The following ADAMTSL1 variants were observed in gnomAD, a reference collection of about 807,000 sequenced individuals.
The protein encoded by ADAMTSL1 is ADAMTS-like protein 1.
A neutral mutation model predicts 201.8 loss-of-function variants in ADAMTSL1; 126 were observed. That is an observed-to-expected ratio of 0.62 (90% confidence interval 0.54 to 0.72). The LOEUF (loss-of-function observed/expected upper bound fraction) is 0.72, where lower values mean the gene tolerates loss of function less well. Ranked by LOEUF, ADAMTSL1 falls within the 30% of genes least tolerant of loss-of-function variation. The pLI, the probability that ADAMTSL1 is intolerant of heterozygous loss-of-function variation, is 0.00. For synonymous variants in ADAMTSL1, 1,121 were observed against 903.4 expected, an observed-to-expected ratio of 1.24 and a Z score of -4.32; for missense variants, 2,679 against 2,277.8, an observed-to-expected ratio of 1.18 and a Z score of -3.59.
At chr9:18,512,036 G>A (rs553050555) in intron 2 of ADAMTSL1, among the ~76,000 whole-genome samples, 1 of 152,284 alleles carries the variant, frequency 6.6e-6, no homozygotes, top group South Asian at 2.1e-4. Context: ...TTGTTTAAAA[G>A]AAAGATATAC....
intron 1 of ADAMTSL1, among the ~76,000 whole-genome samples, chr9:18,025,035 T>C (rs1259205327): frequency 2.6e-5 from 4 of 152,176 alleles, no homozygotes; most frequent in Non-Finnish European, 2.9e-5. Flanking sequence ...GGAGCATTTT[T>C]TCATATTTTT....
chr9:18,554,168 T>C (rs184263974), intron 3 of ADAMTSL1, among the ~76,000 whole-genome samples: 1 of 151,636 alleles, frequency 6.6e-6, no homozygotes, highest in Non-Finnish European at 1.5e-5. Flanking sequence ...AGTTCTGTTT[T>C]TTTTTTAAAT....
At chr9:18,736,081 CA>C (rs1399963133) in intron 15 of ADAMTSL1, among the ~76,000 whole-genome samples, 1 of 152,006 alleles carries the variant, frequency 6.6e-6, no homozygotes, top group Non-Finnish European at 1.5e-5. Flanking sequence ...CTGATATAAA[CA>C]AGACATTTAT....
intron 2 of ADAMTSL1, among the ~76,000 whole-genome samples, chr9:18,177,269 GA>G (rs1828209985): frequency 6.6e-6 from 1 of 152,132 alleles, no homozygotes; most frequent in Non-Finnish European, 1.5e-5. Context: ...GTAAGTTGTT[GA>G]AAACTATGGT....
At chr9:18,312,694 G>C (rs1834203153) in intron 2 of ADAMTSL1, among the ~76,000 whole-genome samples, 1 of 152,180 alleles carries the variant, frequency 6.6e-6, no homozygotes, top group Admixed American at 6.5e-5. Flanking sequence ...TTTAAAAACA[G>C]AAATCAAACC....
At chr9:18,628,133 G>A (rs905391165) in intron 5 of ADAMTSL1, among the ~76,000 whole-genome samples, 5 of 151,734 alleles carry the variant, frequency 3.3e-5, no homozygotes, top group East Asian at 1.9e-4. Flanking sequence ...TTTCTTTTAC[G>A]GCTCATGCTT....
rs1453866435 is a variant in ADAMTSL1, at chr9:18,661,957, G to C, written c.969G>C (p.Glu323Asp). Residue 323 changes from glutamate to aspartate, a missense_variant, in exon 9 of 29, where the codon GAG (glutamate) becomes GAC (aspartate). Glu to Asp is a conservative substitution (Grantham distance 45, BLOSUM62 2). Coordinates refer to ENST00000380548, the MANE Select transcript of ADAMTSL1 (RefSeq NM_001040272.6). ...CAGGTTATCAGCTGACATCGGCTGA[G>C]TGCTACGATCTGAGGAGCAACCGTG... ...CGGGYQLTSAECYDLRSNRVV... is the reference protein window; with the variant it reads ...CGGGYQLTSADCYDLRSNRVV... 6.2e-7 allele frequency: 1 copy of C among 1,613,658 alleles called. No individual in the cohort carries two copies. The highest frequency in any genetic ancestry group is 1.3e-5 in the African/African-American group (1 of 74,880).
intron 1 of ADAMTSL1, among the ~76,000 whole-genome samples, chr9:17,943,004 C>T (rs1827303709): frequency 6.6e-6 from 1 of 152,134 alleles, no homozygotes; most frequent in African/African-American, 2.4e-5. Flanking sequence ...TTACTGCAGC[C>T]TCAATCTCCT....
intron 2 of ADAMTSL1, among the ~76,000 whole-genome samples, chr9:18,206,053 CAAAAAAAAAAAAAAA>C (rs71333031): frequency 3.7e-5 from 2 of 54,352 alleles, no homozygotes; most frequent in East Asian, 7.1e-4. Flanking sequence ...GACTCCATCT[CAAAAAAAAAAAAAAA>C]AAAAAAAAAA....
intron 1 of ADAMTSL1, among the ~76,000 whole-genome samples, chr9:17,977,719 C>T: frequency 6.6e-6 from 1 of 152,014 alleles, no homozygotes; most frequent in East Asian, 1.9e-4. Context: ...GTCTAACATA[C>T]AATCTATTCT....
intron 8 of ADAMTSL1, among the ~76,000 whole-genome samples, chr9:18,659,245 A>G (rs980146710): frequency 3.3e-5 from 5 of 152,210 alleles, no homozygotes; most frequent in African/African-American, 7.2e-5. Context: ...TTTGGAAAAC[A>G]TTGTATGATG....
chr9:18,284,968 CA>C (rs1225218858), intron 2 of ADAMTSL1, among the ~76,000 whole-genome samples: 2 of 152,102 alleles, frequency 1.3e-5, no homozygotes, highest in African/African-American at 4.8e-5. Flanking sequence ...TGGTCACTTT[CA>C]ATGTTTTTCT....
At chr9:18,564,756 T>C (rs1200151909) in intron 3 of ADAMTSL1, among the ~76,000 whole-genome samples, 2 of 152,086 alleles carry the variant, frequency 1.3e-5, no homozygotes, top group African/African-American at 4.8e-5. Context: ...TAGACTATAA[T>C]AAAAAATAAT....
intron 1 of ADAMTSL1, among the ~76,000 whole-genome samples, chr9:17,988,380 A>C (rs1382731974): frequency 6.6e-6 from 1 of 152,064 alleles, no homozygotes; most frequent in East Asian, 1.9e-4. Flanking sequence ...TCTTTTCCAC[A>C]ATGAATAGCA....
At chr9:18,633,886 T>C (rs967516341) in intron 5 of ADAMTSL1, among the ~76,000 whole-genome samples, 2 of 151,438 alleles carry the variant, frequency 1.3e-5, no homozygotes, top group African/African-American at 4.9e-5. Context: ...GCTAGGGGCC[T>C]TGGAGAGTTG....
chr9:18,881,911 G>T (rs529215187), intron 23 of ADAMTSL1, among the ~76,000 whole-genome samples: 1 of 152,276 alleles, frequency 6.6e-6, no homozygotes, highest in South Asian at 2.1e-4. Context: ...GGAATAGCAG[G>T]CTGGGAGGCC....
intron 3 of ADAMTSL1, among the ~76,000 whole-genome samples, chr9:18,552,382 A>G (rs10810989): frequency 0.27 from 40,806 of 151,650 alleles, 5,877 homozygotes; most frequent in East Asian, 0.6. Flanking sequence ...TACATGGGGC[A>G]TTTACATTTT....
chr9:17,963,855 C>A (rs1023011563), intron 1 of ADAMTSL1, among the ~76,000 whole-genome samples: 20 of 152,192 alleles, frequency 1.3e-4, no homozygotes, highest in African/African-American at 4.8e-4. Context: ...ACTTAAGAGC[C>A]AAATTTTTTA....
intron 3 of ADAMTSL1, among the ~76,000 whole-genome samples, chr9:18,547,211 G>A (rs1356282570): frequency 6.6e-6 from 1 of 152,080 alleles, no homozygotes; most frequent in Non-Finnish European, 1.5e-5. Context: ...AGAGAATAAA[G>A]ACAAAAATAT....
Sources: gnomAD v4.1 joint callset for allele counts (sites outside exome capture counted in the v4.1 genomes callset) on GRCh38, gnomAD v4.1.1 for gene constraint, MANE v1.5 for transcripts, NCBI Gene and HGNC (gene_info 2026-07-23, HGNC 2026-07-21) for gene names.